DPY19L2: variants seen among roughly 807,000 people sequenced by gnomAD.
DPY19L2 encodes probable C-mannosyltransferase DPY19L2.
DPY19L2 carries 34 observed loss-of-function variants against 97.9 expected under a neutral mutation model. That is an observed-to-expected ratio of 0.35 (90% CI 0.26 to 0.46). The LOEUF is 0.46. Among genes scored for constraint, DPY19L2 ranks in the 20% least tolerant of loss-of-function variants. The probability of loss-of-function intolerance (pLI) is 1.00; values close to 1 mark genes in which losing one functional copy is unlikely to be tolerated. For missense variants in DPY19L2, 623 were observed against 911.4 expected, an observed-to-expected ratio of 0.68 and a Z score of 4.07; for synonymous variants, 230 against 307.9, an observed-to-expected ratio of 0.75 and a Z score of 2.65.
chr12:63,651,622 C>A, intron 4 of DPY19L2: 1 of 361,738 alleles, frequency 2.8e-6, no homozygotes, highest in South Asian at 2.9e-5. Flanking sequence ...TTGCTCAGCT[C>A]CAACATGGCA....
rs1405060665 is a variant in DPY19L2 at position 63,626,330 on chromosome 12, A to G, written c.861+139T>C. 2.7e-6 allele frequency: 3 copies of G among 1,106,934 alleles called. No homozygotes were observed. The Admixed American group carries it at 1.0e-4, about 37-fold the overall frequency. The allele number at this position is 1,106,934 out of a possible 1,614,324, so 68.6% of individuals were successfully genotyped here. A position where few individuals can be genotyped will look rare whatever the true frequency, so the allele number is the denominator to read the frequency against. On this transcript the variant is annotated intron_variant, in intron 7 of 21. Transcript: ENST00000324472. ...ACATTTCAATCAACATGCTTAAAAT[A>G]TCAACTTATTACACAAGGGTCTTTA...
intron 4 of DPY19L2, among the ~76,000 whole-genome samples, chr12:63,660,230 A>G (rs1364862243): frequency 1.3e-5 from 2 of 152,122 alleles, no homozygotes; most frequent in Non-Finnish European, 2.9e-5. Context: ...ACAAAAGTGT[A>G]CCTTTTAGAT....
intron 21 of DPY19L2, among the ~76,000 whole-genome samples, chr12:63,564,707 G>GGGT (rs1316902032): frequency 3.3e-5 from 5 of 152,026 alleles, no homozygotes; most frequent in African/African-American, 1.2e-4. Context: ...TGCTGTTCTA[G>GGGT]GGTGGTATGT....
At chr12:63,589,469 A>G (rs901584444) in intron 16 of DPY19L2, among the ~76,000 whole-genome samples, 7 of 150,700 alleles carry the variant, frequency 4.6e-5, no homozygotes, top group African/African-American at 1.7e-4. Context: ...ATGAGAATTG[A>G]TAAGTGATAA....
intron 19 of DPY19L2, among the ~76,000 whole-genome samples, chr12:63,579,016 T>C (rs1880393079): frequency 6.6e-6 from 1 of 152,040 alleles, no homozygotes; most frequent in South Asian, 2.1e-4. Context: ...CAAAAAAAAC[T>C]AGGCACACCT....
At chr12:63,592,488 A>T (rs1274573255) in intron 16 of DPY19L2, among the ~76,000 whole-genome samples, 5 of 148,928 alleles carry the variant, frequency 3.4e-5, no homozygotes, top group Admixed American at 2.0e-4. Flanking sequence ...AACGCCGCAT[A>T]TCTACAACTA....
Position 63,597,914 on chromosome 12 carries a change from G to A in DPY19L2, c.1360-4C>T. On this transcript the variant is annotated splice_region_variant and splice_polypyrimidine_tract_variant and intron_variant, in intron 13 of 21. Coordinates refer to ENST00000324472, the MANE Select transcript of DPY19L2 (RefSeq NM_173812.5). The stretch of plus-strand genomic sequence containing the variant: ...CTATAAGATCACTCAGGCGAATCTG[G>A]GAGAAAATAAAGTAAAATGAATTAA... 1.3e-6 allele frequency: 2 copies of A among 1,580,110 alleles called. No homozygotes were observed. Among genetic ancestry groups the A allele is most frequent in the Admixed American group, 1.9e-5 (1 of 53,212 alleles).
chr12:63,652,087 G>A (rs1367445149), intron 4 of DPY19L2, among the ~76,000 whole-genome samples: 1 of 151,772 alleles, frequency 6.6e-6, no homozygotes, highest in Non-Finnish European at 1.5e-5. Context: ...ATAATACAAT[G>A]TCACTTTTTT....
At chr12:63,581,062 G>A (rs1484601454) in intron 18 of DPY19L2, among the ~76,000 whole-genome samples, 1 of 152,140 alleles carries the variant, frequency 6.6e-6, no homozygotes, top group East Asian at 1.9e-4. Flanking sequence ...AATTAAGGAA[G>A]ATATACCTGA....
At chr12:63,581,206 T>C (rs952289226) in intron 18 of DPY19L2, among the ~76,000 whole-genome samples, 1 of 152,112 alleles carries the variant, frequency 6.6e-6, no homozygotes, top group Non-Finnish European at 1.5e-5. Context: ...CCTATTAGCA[T>C]GATATATATA....
chr12:63,660,655 AT>A (rs959521264), intron 4 of DPY19L2, among the ~76,000 whole-genome samples: 5 of 152,074 alleles, frequency 3.3e-5, no homozygotes, highest in African/African-American at 1.2e-4. Context: ...AGTTTTAAGC[AT>A]TTCAAAATCT....
chr12:63,588,832 A>C (rs962259594), intron 16 of DPY19L2, among the ~76,000 whole-genome samples: 128 of 148,624 alleles, frequency 8.6e-4, no homozygotes, highest in Non-Finnish European at 1.3e-3. Flanking sequence ...CAGCTCACTG[A>C]AACCTCCGCC....
intron 6 of DPY19L2, among the ~76,000 whole-genome samples, chr12:63,634,745 C>G (rs552125214): frequency 6.6e-6 from 1 of 152,246 alleles, no homozygotes; most frequent in South Asian, 2.1e-4. Flanking sequence ...GGGGCGTCCA[C>G]CATTACTGAG....
intron 12 of DPY19L2, among the ~76,000 whole-genome samples, chr12:63,601,334 G>GTGTTGT (rs4044889): frequency 2.6e-5 from 4 of 151,348 alleles, no homozygotes; most frequent in African/African-American, 7.3e-5. Flanking sequence ...TGAGGCTTCT[G>GTGTTGT]TGTTGTTGTT....
At chr12:63,613,840 T>A (rs1165398063) in intron 11 of DPY19L2, among the ~76,000 whole-genome samples, 1 of 152,054 alleles carries the variant, frequency 6.6e-6, no homozygotes, top group Non-Finnish European at 1.5e-5. Flanking sequence ...TCAAAACTTG[T>A]ATAACTTTTA....
At chr12:63,585,247 G>T (rs1340611088) in intron 16 of DPY19L2, among the ~76,000 whole-genome samples, 1 of 152,048 alleles carries the variant, frequency 6.6e-6, no homozygotes, top group Non-Finnish European at 1.5e-5. Flanking sequence ...TTTATGAAAG[G>T]CTTTATAGCC....
chr12:63,577,437 G>A (rs1343165288), intron 19 of DPY19L2, among the ~76,000 whole-genome samples: 3 of 152,016 alleles, frequency 2.0e-5, no homozygotes, highest in Non-Finnish European at 4.4e-5. Context: ...TGAACAAATG[G>A]GTTCACATCA....
At position 63,560,083 on chromosome 12, in the gene DPY19L2, G is replaced by A. The variant is rs1040466980; in HGVS notation, c.*429C>T. 1.9e-5 allele frequency: 3 copies of A among 154,586 alleles called. No homozygotes were observed. The highest frequency in any genetic ancestry group is 2.0e-4 in the South Asian group (1 of 4,990). 9.6% of individuals were successfully genotyped at this position (154,586 alleles called of 1,614,324 possible). ...GCTGTGACCAGTATCAGCATTTTAA[G>A]GATGTCATTTCAGAGCTTGCATTCT... On this transcript the variant is annotated 3_prime_UTR_variant, in exon 22 of 22. Transcript: ENST00000324472.
chr12:63,654,225 TAA>T (rs1894658551), intron 4 of DPY19L2, among the ~76,000 whole-genome samples: 1 of 152,106 alleles, frequency 6.6e-6, no homozygotes, highest in East Asian at 1.9e-4. Context: ...GAGTTTAAAA[TAA>T]GTTTGATGAT....
Sources: allele counts gnomAD v4.1 joint callset (sites outside exome capture counted in the v4.1 genomes callset), GRCh38; gene constraint gnomAD v4.1.1; transcripts MANE v1.5; gene names NCBI Gene and HGNC (gene_info 2026-07-23, HGNC 2026-07-21).